NCOA1: variants seen among roughly 807,000 people sequenced by gnomAD.
The protein encoded by NCOA1 is Hin-2 protein.
Under a neutral mutation model 150.9 loss-of-function variants are expected in NCOA1, and 35 were observed. The observed-to-expected ratio is 0.23, with a 90% CI of 0.18 to 0.31. NCOA1 has a LOEUF of 0.31. Ranked by LOEUF, NCOA1 falls within the 10% of genes least tolerant of loss-of-function variation. The probability of loss-of-function intolerance (pLI) is 1.00; values close to 1 mark genes in which losing one functional copy is unlikely to be tolerated. For missense variants in NCOA1, 1,491 were observed against 1,749.3 expected, an observed-to-expected ratio of 0.85 and a Z score of 2.63; for synonymous variants, 590 against 630.0, an observed-to-expected ratio of 0.94 and a Z score of 0.95.
intron 1 of NCOA1, among the ~76,000 whole-genome samples, chr2:24,524,197 C>T (rs972066491): frequency 6.6e-6 from 1 of 152,114 alleles, no homozygotes; most frequent in Non-Finnish European, 1.5e-5. Context: ...CAGATACTTC[C>T]GGTTAGGCTA....
chr2:24,506,382 C>A (rs546542619), intron 1 of NCOA1, among the ~76,000 whole-genome samples: 12 of 152,176 alleles, frequency 7.9e-5, no homozygotes, highest in African/African-American at 2.9e-4. Context: ...TCTATAGCTG[C>A]TTTATTCAGG....
chr2:24,746,254 C>G (rs1190890178), intron 19 of NCOA1, among the ~76,000 whole-genome samples: 1 of 152,104 alleles, frequency 6.6e-6, no homozygotes, highest in Non-Finnish European at 1.5e-5. Flanking sequence ...TTAACATAGT[C>G]TAGCCCAGCT....
chr2:24,655,713 G>A (rs1670908941), intron 4 of NCOA1, among the ~76,000 whole-genome samples: 1 of 152,168 alleles, frequency 6.6e-6, no homozygotes, highest in Non-Finnish European at 1.5e-5. Context: ...TATTTTAGTA[G>A]TCCAGCAAAA....
chr2:24,642,037 T>TGTGTGTGTGTGCGC (rs942145000), intron 3 of NCOA1, among the ~76,000 whole-genome samples: 4,420 of 138,420 alleles, frequency 0.032, 84 homozygotes, highest in Non-Finnish European at 0.05. Context: ...TGTGTGTGTG[T>TGTGTGTGTGTGCGC]GCGCGCGTGC....
intron 1 of NCOA1, among the ~76,000 whole-genome samples, chr2:24,557,259 ATAT>A (rs1373675781): frequency 1.3e-5 from 2 of 152,074 alleles, no homozygotes; most frequent in African/African-American, 4.8e-5. Context: ...CCTTTAAATA[ATAT>A]TATGCCACTT....
intron 1 of NCOA1, chr2:24,492,011 C>G (rs1662986116): frequency 6.6e-6 from 1 of 151,984 alleles, no homozygotes; most frequent in Non-Finnish European, 1.5e-5. Context: ...GCGGGCGCCC[C>G]TCGGCCCCGA....
intron 8 of NCOA1, among the ~76,000 whole-genome samples, chr2:24,684,719 T>C (rs1180834168): frequency 6.6e-6 from 1 of 152,182 alleles, no homozygotes; most frequent in Non-Finnish European, 1.5e-5. Flanking sequence ...TACTTTCTTA[T>C]ACAATAGTGT....
chr2:24,721,383 A>G (rs1262067415), intron 14 of NCOA1, among the ~76,000 whole-genome samples: 1 of 152,198 alleles, frequency 6.6e-6, no homozygotes, highest in Non-Finnish European at 1.5e-5. Flanking sequence ...AATGTTTGGT[A>G]AATTTTGACT....
At chr2:24,498,950 T>G (rs910225644) in intron 1 of NCOA1, among the ~76,000 whole-genome samples, 12 of 148,686 alleles carry the variant, frequency 8.1e-5, no homozygotes, top group South Asian at 6.4e-4. Context: ...GATTATATGG[T>G]TTTTTTTTTG....
chr2:24,621,567 C>T (rs1212745845), intron 3 of NCOA1, among the ~76,000 whole-genome samples: 1 of 150,336 alleles, frequency 6.7e-6, no homozygotes, highest in Non-Finnish European at 1.5e-5. Flanking sequence ...CCTGGGTTCC[C>T]TCCTGGGTTC....
At chr2:24,563,179 G>A (rs1666355500) in intron 1 of NCOA1, among the ~76,000 whole-genome samples, 1 of 152,212 alleles carries the variant, frequency 6.6e-6, no homozygotes, top group Non-Finnish European at 1.5e-5. Context: ...TTACATAAGA[G>A]GGATTTCCAG....
chr2:24,558,537 C>T (rs1001640832), intron 1 of NCOA1, among the ~76,000 whole-genome samples: 1 of 152,160 alleles, frequency 6.6e-6, no homozygotes, highest in African/African-American at 2.4e-5. Context: ...ACGAGAATAG[C>T]ACAGGAAAGA....
At chr2:24,687,801 C>G (rs1475748492) in intron 8 of NCOA1, among the ~76,000 whole-genome samples, 1 of 152,150 alleles carries the variant, frequency 6.6e-6, no homozygotes, top group Non-Finnish European at 1.5e-5. Flanking sequence ...GTGGGGATTA[C>G]AGTTTGAGAT....
intron 3 of NCOA1, among the ~76,000 whole-genome samples, chr2:24,599,659 C>A (rs1285165481): frequency 6.6e-6 from 1 of 151,036 alleles, no homozygotes; most frequent in African/African-American, 2.4e-5. Flanking sequence ...TTTCCCTAAA[C>A]TATTAATTTG....
At chr2:24,591,230 G>A (rs571579231) in intron 3 of NCOA1, among the ~76,000 whole-genome samples, 1 of 152,208 alleles carries the variant, frequency 6.6e-6, no homozygotes, top group Non-Finnish European at 1.5e-5. Flanking sequence ...AGCTAATTGT[G>A]GAAATGGACC....
chr2:24,763,616 C>CTCTTTTTTTTTTT (rs1250283392), intron 22 of NCOA1, among the ~76,000 whole-genome samples: 1 of 85,310 alleles, frequency 1.2e-5, no homozygotes, highest in African/African-American at 4.5e-5. Context: ...GTCTCTCTCT[C>CTCTTTTTTTTTTT]TTTTTTTTTT....
At chr2:24,700,134 ACTT>A (rs1673086249) in intron 11 of NCOA1, among the ~76,000 whole-genome samples, 1 of 145,500 alleles carries the variant, frequency 6.9e-6, no homozygotes, top group African/African-American at 2.6e-5. Flanking sequence ...CAAGAGCGAA[ACTT>A]CATCGCTAAT....
intron 14 of NCOA1, among the ~76,000 whole-genome samples, chr2:24,715,414 T>C (rs1307035840): frequency 6.6e-6 from 1 of 152,206 alleles, no homozygotes; most frequent in Non-Finnish European, 1.5e-5. Flanking sequence ...TACAAAATAG[T>C]ATAATATTTG....
At chr2:24,573,589 A>G (rs1008462292) in intron 2 of NCOA1, among the ~76,000 whole-genome samples, 1 of 152,138 alleles carries the variant, frequency 6.6e-6, no homozygotes, top group Admixed American at 6.5e-5. Context: ...TATGAAGCTT[A>G]TATCTAAATT....
Sources: gnomAD v4.1 joint callset for allele counts (sites outside exome capture counted in the v4.1 genomes callset) on GRCh38, gnomAD v4.1.1 for gene constraint, MANE v1.5 for transcripts, NCBI Gene and HGNC (gene_info 2026-07-23, HGNC 2026-07-21) for gene names.